Variants in WDR1 observed in about 807,000 individuals in gnomAD.
The protein encoded by WDR1 is WD repeat-containing protein 1.
In WDR1, 21 loss-of-function variants were observed where a neutral mutation model predicts 71.9. The ratio of observed to expected loss-of-function variants is 0.29; its 90% CI spans 0.21 to 0.42. The LOEUF is 0.42. Among genes scored for constraint, WDR1 ranks in the 10% least tolerant of loss-of-function variants. The probability of loss-of-function intolerance (pLI) is 1.00; values close to 1 mark genes in which losing one functional copy is unlikely to be tolerated. For missense variants in WDR1, 696 were observed against 824.5 expected (o/e 0.84, Z 1.91); for synonymous variants, 424 against 347.4 (o/e 1.22, Z -2.45).
intron 2 of WDR1, among the ~76,000 whole-genome samples, chr4:10,109,136 C>T (rs2108802816): frequency 6.6e-6 from 1 of 152,378 alleles, no homozygotes; most frequent in Non-Finnish European, 1.5e-5. Context: ...ACAACACCTG[C>T]TGTAAGGAAG....
intron 13 of WDR1, 73 bp downstream of exon 13, chr4:10,077,680 A>G: frequency 6.8e-7 from 1 of 1,478,786 alleles, no homozygotes; most frequent in South Asian, 1.4e-5. Context: ...AAGGTCACCA[A>G]GTCACAGATA....
chr4:10,082,991 C>G (rs1157651851), intron 10 of WDR1, 31 bp downstream of exon 10: 6 of 1,587,300 alleles, frequency 3.8e-6, no homozygotes, highest in Non-Finnish European at 5.2e-6. Context: ...TGAGGCTCAT[C>G]CGGAACCCCC....
At chr4:10,116,625 C>CG in intron 1 of WDR1, 26 bp downstream of exon 1, 2 of 1,228,976 alleles carry the variant, frequency 1.6e-6, no homozygotes, top group Non-Finnish European at 2.0e-6. Flanking sequence ...GGCGGCCGCT[C>CG]GGGGGCCCCG....
chr4:10,103,797 C>T, intron 3 of WDR1, 99 bp downstream of exon 3: 1 of 463,746 alleles, frequency 2.2e-6, no homozygotes, highest in Non-Finnish European at 3.8e-6. Context: ...CCACCTCCCT[C>T]CTCCCACTCT....
intron 2 of WDR1, among the ~76,000 whole-genome samples, chr4:10,106,841 G>A (rs184368472): frequency 5.3e-5 from 8 of 152,244 alleles, no homozygotes; most frequent in East Asian, 1.9e-4. Flanking sequence ...TCCTCAGCTC[G>A]CAGAGGGAGG....
intron 8 of WDR1, among the ~76,000 whole-genome samples, chr4:10,084,890 C>A (rs564934492): frequency 6.6e-6 from 1 of 152,328 alleles, no homozygotes; most frequent in Admixed American, 6.5e-5. Context: ...CAGCACCCGT[C>A]GCGGGGAGCC....
intron 2 of WDR1, 123 bp downstream of exon 2, chr4:10,115,990 G>T: frequency 2.2e-6 from 3 of 1,353,000 alleles, no homozygotes; most frequent in East Asian, 2.5e-5. Flanking sequence ...CCGGTAGAGG[G>T]GGCGTGGCGC....
At chr4:10,116,551 C>T (rs1713748874) in intron 1 of WDR1, 100 bp downstream of exon 1, 1 of 951,940 alleles carries the variant, frequency 1.1e-6, no homozygotes, top group Non-Finnish European at 1.3e-6. Flanking sequence ...CCCTCCCCCG[C>T]GCCGAGGACT....
At chr4:10,111,422 C>A (rs886088808) in intron 2 of WDR1, among the ~76,000 whole-genome samples, 1 of 152,212 alleles carries the variant, frequency 6.6e-6, no homozygotes, top group Non-Finnish European at 1.5e-5. Context: ...CTTCCCCTGC[C>A]ATCAGGTGGT....
At chr4:10,094,241 C>A (rs1712186490) in intron 5 of WDR1, among the ~76,000 whole-genome samples, 1 of 152,224 alleles carries the variant, frequency 6.6e-6, no homozygotes, top group African/African-American at 2.4e-5. Flanking sequence ...ATCCAGTGCA[C>A]CACCAACTCC....
Position 10,116,170 on chromosome 4 carries a change from A to G in WDR1, c.81T>C (p.Pro27=), listed in dbSNP as rs1577084828. Reference sequence around the variant, plus strand: ...TGGTGTACAGAAAATTGTTGCCCTTAGGGTCGCCGCCGATGATCTTGGAGA... The same window carrying G: ...TGGTGTACAGAAAATTGTTGCCCTTGGGGTCGCCGCCGATGATCTTGGAGA... ...RGVSKIIGGD[P]KGNNFLYTNG... Residue 27 remains proline (P), a synonymous_variant, in exon 2 of 15, where the codon CCT becomes CCC. Coordinates refer to ENST00000499869, the MANE Select transcript of WDR1 (RefSeq NM_017491.5). 6.2e-7 allele frequency: 1 copy of G among 1,613,552 alleles called. No homozygotes were observed. The highest frequency in any genetic ancestry group is 1.3e-5 in the African/African-American group (1 of 75,026).
chr4:10,108,998 C>T (rs1189854783), intron 2 of WDR1, among the ~76,000 whole-genome samples: 1 of 152,232 alleles, frequency 6.6e-6, no homozygotes, highest in Admixed American at 6.5e-5. Flanking sequence ...TGCCAAATAC[C>T]GACAAAGACC....
At chr4:10,079,060 T>C (rs1056036125) in intron 11 of WDR1, 59 bp from the exon 12 acceptor site, 2 of 1,401,832 alleles carry the variant, frequency 1.4e-6, no homozygotes, top group Admixed American at 1.9e-5. Context: ...AAACCCTCAG[T>C]GGTAGGAGGG....
At chr4:10,082,879 CAGG>C (rs1765069522) in intron 10 of WDR1, 140 bp downstream of exon 10, 1 of 1,130,436 alleles carries the variant, frequency 8.8e-7, no homozygotes, top group African/African-American at 1.6e-5. Flanking sequence ...GGCCCAACAA[CAGG>C]AGAACAATGC....
chr4:10,106,956 T>A (rs1345730703), intron 2 of WDR1, among the ~76,000 whole-genome samples: 3 of 152,092 alleles, frequency 2.0e-5, no homozygotes, highest in Non-Finnish European at 4.4e-5. Flanking sequence ...ACACCCTCAG[T>A]GTGCCCCTCT....
At chr4:10,111,050 G>A (rs7697572) in intron 2 of WDR1, among the ~76,000 whole-genome samples, 2,154 of 152,320 alleles carry the variant, frequency 0.014, 48 homozygotes, top group African/African-American at 0.046. Context: ...CGCTGACGCC[G>A]CCTTCATCTT....
Position 10,082,994 on chromosome 4 carries a change from G to C in WDR1, c.1196+28C>G, listed in dbSNP as rs376015245. 19 of 1,590,168 alleles carry C rather than the reference G, an allele frequency of 1.2e-5. No individual in the cohort carries two copies. In the African/African-American group the frequency reaches 2.6e-4, roughly 21 times the overall value. On this transcript the variant is annotated intron_variant, in intron 10 of 14. Coordinates refer to ENST00000499869, the MANE Select transcript of WDR1 (RefSeq NM_017491.5). ...TCCGAGGGGAGCTGAGGCTCATCCG[G>C]AACCCCCGCAGACCCGAGTGCTCTC... is the stretch of plus-strand genomic sequence containing the variant.
intron 2 of WDR1, among the ~76,000 whole-genome samples, chr4:10,110,206 G>C (rs889305107): frequency 2.0e-5 from 3 of 152,184 alleles, no homozygotes; most frequent in African/African-American, 7.2e-5. Flanking sequence ...TAAGGAGCAG[G>C]CACATCGCCA....
At chr4:10,095,334 C>A (rs1033682036) in intron 5 of WDR1, among the ~76,000 whole-genome samples, 1 of 152,228 alleles carries the variant, frequency 6.6e-6, no homozygotes, top group Non-Finnish European at 1.5e-5. Context: ...GTTTTAAAAT[C>A]TTTTACTATA....
Sources: allele counts gnomAD v4.1 joint callset (sites outside exome capture counted in the v4.1 genomes callset), GRCh38; gene constraint gnomAD v4.1.1; transcripts MANE v1.5; gene names NCBI Gene and HGNC (gene_info 2026-07-23, HGNC 2026-07-21).